The following PACRGL variants were observed in gnomAD, a reference collection of about 807,000 sequenced individuals.
PACRGL encodes parkin coregulated like, also known as PACRG-like protein.
Under a neutral mutation model 34.5 loss-of-function variants are expected in PACRGL, and 38 were observed. That is an observed-to-expected ratio of 1.10 (90% CI 0.85 to 1.44). The LOEUF (loss-of-function observed/expected upper bound fraction) is 1.44. Among genes scored for constraint, PACRGL ranks in the 40% most tolerant of loss-of-function variants. PACRGL has a pLI of 0.00. For synonymous variants in PACRGL, 128 were observed against 100.1 expected (o/e 1.28, Z -1.66); for missense variants, 305 against 281.4 (o/e 1.08, Z -0.60).
At position 20,715,750 on chromosome 4, in the gene PACRGL, CCAG is replaced by C. The variant is rs1162294151; in HGVS notation, c.609+2213_609+2215del. Among the ~76,000 whole-genome samples the C allele has an allele frequency of 1.1e-4, 16 of 152,036 alleles. No individual in the cohort carries two copies. The South Asian group carries it at 3.3e-3, about 32-fold the overall frequency. ...AGTGTGGTGGCATACACCTGTAGTC[CCAG>C]CTTCAGGAGGCTGAGACAGGAGAAT... On this transcript the variant is annotated intron_variant, in intron 7 of 8. Coordinates refer to ENST00000503585, the MANE Select transcript of PACRGL (RefSeq NM_001258345.3).
Position 20,730,020 on chromosome 4 carries a change from C to T in PACRGL, c.*2679C>T. ...CAATCTATGCTAAAAGTGGTAGCTC[C>T]AACTTTAAGGGTGGTAGAATAGTTC... On this transcript the variant is annotated 3_prime_UTR_variant, in exon 9 of 9. Transcript: ENST00000503585. The T allele has an allele frequency of 1.3e-6, 2 of 1,541,396 alleles. No homozygotes were observed. Among genetic ancestry groups the T allele is most frequent in the Non-Finnish European group, 1.7e-6 (2 of 1,145,990 alleles).
chr4:20,715,262 G>C (rs994659356), intron 7 of PACRGL, among the ~76,000 whole-genome samples: 2 of 151,526 alleles, frequency 1.3e-5, no homozygotes, highest in Non-Finnish European at 2.9e-5. Context: ...ATCACTCTCT[G>C]GGGACTGTTG....
At chr4:20,734,526 T>C, downstream of PACRGL, 1 of 573,420 alleles carries the variant, frequency 1.7e-6, no homozygotes, top group South Asian at 3.4e-5. Context: ...ATTTTGGAAT[T>C]TCCTCAAAAA....
In PACRGL at chr4:20,719,524, A is replaced by G. The variant is rs1393414714; in HGVS notation, c.610-5284A>G. Among the ~76,000 whole-genome samples the G allele has an allele frequency of 9.1e-4, 138 of 152,080 alleles. 1 individual carries two copies. The highest frequency in any genetic ancestry group is 1.8e-4 in the Non-Finnish European group (12 of 67,990). On this transcript the variant is annotated intron_variant, in intron 7 of 8. Coordinates refer to ENST00000503585, the MANE Select transcript of PACRGL (RefSeq NM_001258345.3). Reference sequence around the variant, plus strand: ...AAATATGTCCCAGAGATTCTGGTACATTGTGTCTTTGTTCTCATTGGTTTC... The same window carrying G: ...AAATATGTCCCAGAGATTCTGGTACGTTGTGTCTTTGTTCTCATTGGTTTC...
the PACRGL span, among the ~76,000 whole-genome samples, chr4:20,761,372 A>C: frequency 6.6e-6 from 1 of 152,068 alleles, no homozygotes; most frequent in Non-Finnish European, 1.5e-5. Context: ...AATAGCTACA[A>C]CTCCAAAGGT....
intron 8 of PACRGL, among the ~76,000 whole-genome samples, chr4:20,739,548 A>T (rs1048882517): frequency 1.3e-5 from 2 of 152,220 alleles, no homozygotes; most frequent in Admixed American, 1.3e-4. Flanking sequence ...AATAGCATCA[A>T]CATCAACAAA....
intron 7 of PACRGL, chr4:20,716,159 G>A: frequency 7.3e-7 from 1 of 1,371,472 alleles, no homozygotes; most frequent in Non-Finnish European, 1.0e-6. Flanking sequence ...TTGATGATTT[G>A]CCAGAAGGAT....
Position 20,719,992 on chromosome 4 carries a change from T to C in PACRGL, c.610-4816T>C, listed in dbSNP as rs530971298. 3.8e-3 allele frequency among the ~76,000 whole-genome samples: 577 copies of C among 152,252 alleles called. 6 individuals carry two copies. The highest frequency in any genetic ancestry group is 0.013 in the African/African-American group (544 of 41,520). ...ATCTCTTTGTAGGTCACTCAGGACT[T>C]GCTTTATGAATCTGGGTGCTCCTGT... On this transcript the variant is annotated intron_variant, in intron 7 of 8. Transcript: ENST00000503585.
chr4:20,720,417 C>G (rs941184010), intron 7 of PACRGL, among the ~76,000 whole-genome samples: 6 of 152,274 alleles, frequency 3.9e-5, no homozygotes, highest in Non-Finnish European at 8.8e-5. Flanking sequence ...GCAGTTTCTT[C>G]CTAGCCTCGA....
the PACRGL span, among the ~76,000 whole-genome samples, chr4:20,763,009 C>A: frequency 6.6e-6 from 1 of 152,100 alleles, no homozygotes; most frequent in Non-Finnish European, 1.5e-5. Context: ...ACCATCATAA[C>A]TCATGAGAAC....
At chr4:20,747,895 T>C (rs1019200867) in intron 8 of PACRGL, among the ~76,000 whole-genome samples, 5 of 152,210 alleles carry the variant, frequency 3.3e-5, no homozygotes, top group African/African-American at 9.6e-5. Flanking sequence ...TTCACCCAGA[T>C]AGCTGCCTAC....
chr4:20,740,830 C>A (rs942000560), intron 8 of PACRGL, among the ~76,000 whole-genome samples: 1 of 152,070 alleles, frequency 6.6e-6, no homozygotes, highest in African/African-American at 2.4e-5. Context: ...AGACCCATCT[C>A]GCCTGCAGAG....
At chr4:20,720,665 T>A (rs1742622054) in intron 7 of PACRGL, among the ~76,000 whole-genome samples, 1 of 152,238 alleles carries the variant, frequency 6.6e-6, no homozygotes, top group South Asian at 2.1e-4. Context: ...CACTCTCTTC[T>A]GGCTTGTAGA....
the PACRGL span, among the ~76,000 whole-genome samples, chr4:20,762,957 GA>G: frequency 0.71 from 107,575 of 151,982 alleles, 38,817 homozygotes; most frequent in East Asian, 0.83. Context: ...AAGGCAGCAA[GA>G]AAGGAGAAGT....
rs756173549 is a variant in PACRGL, at chr4:20,727,889, A to C, written c.*548A>C. ...GCAAGCCTCAAATTTTTGTGCTCAG[A>C]TGATCCTTTTCATCTCAGCCTCCTG... On this transcript the variant is annotated 3_prime_UTR_variant, in exon 9 of 9. Coordinates refer to ENST00000503585, the MANE Select transcript of PACRGL (RefSeq NM_001258345.3). The C allele has an allele frequency of 6.5e-6, 1 of 152,818 alleles. No individual in the cohort carries two copies. Among genetic ancestry groups the C allele is most frequent in the African/African-American group, 2.4e-5 (1 of 41,476 alleles). 9.5% of individuals were successfully genotyped at this position (152,818 alleles called of 1,614,324 possible).
intron 8 of PACRGL, among the ~76,000 whole-genome samples, chr4:20,738,711 G>A (rs975176394): frequency 6.6e-6 from 1 of 152,320 alleles, no homozygotes; most frequent in Non-Finnish European, 1.5e-5. Flanking sequence ...ATTTCCAACT[G>A]AGGTACCAGG....
upstream of PACRGL, chr4:20,696,583 C>G (rs574045688): frequency 6.6e-6 from 1 of 152,330 alleles, no homozygotes; most frequent in South Asian, 2.1e-4. Flanking sequence ...TGCACTGACT[C>G]TGTAGTCTGA....
At chr4:20,737,763 G>C (rs1279490263) in intron 8 of PACRGL, among the ~76,000 whole-genome samples, 2 of 152,170 alleles carry the variant, frequency 1.3e-5, no homozygotes, top group Non-Finnish European at 2.9e-5. Flanking sequence ...CCATATTTTA[G>C]AAAATTATTT....
chr4:20,741,660 G>A (rs368077076), intron 8 of PACRGL, among the ~76,000 whole-genome samples: 2 of 152,058 alleles, frequency 1.3e-5, no homozygotes, highest in Admixed American at 1.3e-4. Context: ...ATTAAAAGAA[G>A]TAGAGAAGCA....
Sources: allele counts gnomAD v4.1 joint callset (sites outside exome capture counted in the v4.1 genomes callset), GRCh38; gene constraint gnomAD v4.1.1; transcripts MANE v1.5; gene names NCBI Gene and HGNC (gene_info 2026-07-23, HGNC 2026-07-21).